Variants in RBBP8 observed in about 807,000 individuals in gnomAD.
The protein encoded by RBBP8 is DNA endonuclease RBBP8.
RBBP8 carries 88 observed loss-of-function variants against 108.3 expected under a neutral mutation model. The ratio of observed to expected loss-of-function variants is 0.81; its 90% CI spans 0.68 to 0.97. The LOEUF is 0.97. Ranked by LOEUF, RBBP8 falls within the 50% of genes least tolerant of loss-of-function variation. The pLI, the probability that RBBP8 is intolerant of heterozygous loss-of-function variation, is 0.00. For synonymous variants in RBBP8, 332 were observed against 348.2 expected (o/e 0.95, Z 0.52); for missense variants, 1,023 against 1,049.0 (o/e 0.98, Z 0.34).
chr18:22,961,331 A>G (rs760266479), intron 4 of RBBP8, among the ~76,000 whole-genome samples: 25 of 152,212 alleles, frequency 1.6e-4, no homozygotes, highest in Non-Finnish European at 2.9e-4. Context: ...CAGGTAGGAA[A>G]GCTAAGCATG....
At chr18:22,934,150 A>C (rs1488606479) in intron 1 of RBBP8, 1 of 152,248 alleles carries the variant, frequency 6.6e-6, no homozygotes, top group Non-Finnish European at 1.5e-5. Context: ...CCCAGAATGC[A>C]ACTTGGGAGG....
chr18:22,940,994 T>A (rs1033397180), intron 2 of RBBP8, among the ~76,000 whole-genome samples: 1 of 151,992 alleles, frequency 6.6e-6, no homozygotes, highest in African/African-American at 2.4e-5. Flanking sequence ...ATTGTACAAG[T>A]TTTTTGTCTC....
At chr18:22,969,437 T>C (rs1402398396) in intron 5 of RBBP8, among the ~76,000 whole-genome samples, 1 of 152,142 alleles carries the variant, frequency 6.6e-6, no homozygotes, top group Non-Finnish European at 1.5e-5. Flanking sequence ...TATTCTCTTA[T>C]AACTATTTAT....
At chr18:23,007,964 C>G (rs12458325) in intron 16 of RBBP8, among the ~76,000 whole-genome samples, 159 of 151,922 alleles carry the variant, frequency 1.0e-3, no homozygotes, top group Non-Finnish European at 1.9e-3. Flanking sequence ...AGGTGCCCAC[C>G]ACAACACCTG....
At position 22,993,140 on chromosome 18, in the gene RBBP8, AATC is replaced by A. The variant is rs772263225; in HGVS notation, c.1316_1318del (p.Ser439del). On this transcript the variant is annotated inframe_deletion, in exon 11 of 19. Transcript: ENST00000327155. ...ACTGATAAACATTTGGAGCCCCTGAAATCATTGGGAGGCCGAACATCCAAAAGG... is the reference window on the plus strand; with the variant it reads ...ACTGATAAACATTTGGAGCCCCTGAAATTGGGAGGCCGAACATCCAAAAGG... The A allele has an allele frequency of 2.5e-5, 40 of 1,614,142 alleles. No individual in the cohort carries two copies. In the African/African-American group the frequency reaches 4.8e-4, roughly 19 times the overall value.
intron 1 of RBBP8, 147 bp from the exon 2 acceptor site, chr18:22,936,607 T>C (rs931546351): frequency 4.1e-6 from 2 of 485,922 alleles, no homozygotes; most frequent in African/African-American, 3.9e-5. Context: ...CCTTATTCTT[T>C]CCTTCCCCTC....
intron 3 of RBBP8, among the ~76,000 whole-genome samples, chr18:22,947,566 A>G (rs1019404530): frequency 2.0e-5 from 3 of 152,104 alleles, no homozygotes; most frequent in African/African-American, 7.2e-5. Context: ...GAAGGCCACC[A>G]ATTAGGAAAA....
chr18:22,979,181 A>G (rs1914712741), intron 6 of RBBP8, among the ~76,000 whole-genome samples: 1 of 152,192 alleles, frequency 6.6e-6, no homozygotes, highest in African/African-American at 2.4e-5. Flanking sequence ...AGACACAAGA[A>G]TCACTTGAAC....
chr18:22,969,059 CTT>C, intron 5 of RBBP8, 141 bp downstream of exon 5: 1 of 660,898 alleles, frequency 1.5e-6, no homozygotes, highest in Non-Finnish European at 2.6e-6. Flanking sequence ...CTTTTTTGTA[CTT>C]TTTGTAGATT....
rs893378549 is a variant in RBBP8, at chr18:22,985,403, GCCTCAC to G, written c.709+414_709+419del. Among the ~76,000 whole-genome samples, 376 of 152,256 alleles carry G rather than the reference GCCTCAC, an allele frequency of 2.5e-3. 1 individual carries two copies. Among genetic ancestry groups the G allele is most frequent in the African/African-American group, 8.6e-3 (358 of 41,544 alleles). On this transcript the variant is annotated intron_variant, in intron 8 of 18. Coordinates refer to ENST00000327155, the MANE Select transcript of RBBP8 (RefSeq NM_002894.3). ...GCAGGGTAAGAAGGGATATTAGAAAGCCTCACTTGTAAAGTGATGTTTGCATAGGGA... is the reference window on the plus strand; with the variant it reads ...GCAGGGTAAGAAGGGATATTAGAAAGTTGTAAAGTGATGTTTGCATAGGGA...
At position 23,022,010 on chromosome 18, in the gene RBBP8, T is replaced by G. The variant is rs2046353047; in HGVS notation, c.2455-119T>G. 1.5e-5 allele frequency: 12 copies of G among 806,590 alleles called. No homozygotes were observed. The South Asian group carries it at 1.8e-4, about 12-fold the overall frequency. The allele number at this position is 806,590 out of a possible 1,614,324, so 50.0% of individuals were successfully genotyped here. A position where few individuals can be genotyped will look rare whatever the true frequency, so the allele number is the denominator to read the frequency against. ...ATAGTATCATCAATGAGGATTAAGT[T>G]TCCTTAGACTGCTGAATATCTTAGT... is the stretch of plus-strand genomic sequence containing the variant. On this transcript the variant is annotated intron_variant, in intron 17 of 18. Transcript: ENST00000327155.
chr18:22,988,567 G>T (rs1226885010), intron 8 of RBBP8, among the ~76,000 whole-genome samples: 1 of 152,112 alleles, frequency 6.6e-6, no homozygotes, highest in Non-Finnish European at 1.5e-5. Flanking sequence ...AAGAGATTTA[G>T]GAGTCCTTAT....
chr18:22,948,189 T>C (rs1282430363), intron 3 of RBBP8, among the ~76,000 whole-genome samples: 1 of 152,108 alleles, frequency 6.6e-6, no homozygotes, highest in African/African-American at 2.4e-5. Context: ...TTTACTGTAT[T>C]TTATGATACA....
Position 22,993,279 on chromosome 18 carries a change from CTGTG to C in RBBP8, c.1455_1458del (p.Cys485Ter). 6.2e-7 allele frequency: 1 copy of C among 1,614,190 alleles called. No individual in the cohort carries two copies. Among genetic ancestry groups the C allele is most frequent in the Non-Finnish European group, 8.5e-7 (1 of 1,180,012 alleles). On this transcript the variant is annotated frameshift_variant, in exon 11 of 19. Coordinates refer to ENST00000327155, the MANE Select transcript of RBBP8 (RefSeq NM_002894.3). LOFTEE classifies it high-confidence loss of function. Reference sequence around the variant, plus strand: ...ATAATCAGTTTTCCATGAATGGAGACTGTGTGATGGATAAACCTCTGGATCTGTC... The same window carrying C: ...ATAATCAGTTTTCCATGAATGGAGACTGATGGATAAACCTCTGGATCTGTC...
intron 2 of RBBP8, 135 bp from the exon 3 acceptor site, chr18:22,946,309 C>A: frequency 8.6e-7 from 1 of 1,168,722 alleles, no homozygotes; most frequent in Non-Finnish European, 1.2e-6. Context: ...GCAGAGTACA[C>A]GTAAGGGGCA....
At chr18:22,916,415 T>C (rs1424007470) in intron 2 of RBBP8, among the ~76,000 whole-genome samples, 1 of 152,096 alleles carries the variant, frequency 6.6e-6, no homozygotes, top group Non-Finnish European at 1.5e-5. Context: ...GCTAAGTCAC[T>C]ATTATATAAT....
At chr18:22,953,224 A>G (rs1403110740) in intron 4 of RBBP8, among the ~76,000 whole-genome samples, 2 of 152,212 alleles carry the variant, frequency 1.3e-5, no homozygotes, top group African/African-American at 4.8e-5. Flanking sequence ...CCTCATTTAT[A>G]GCAGGATCTG....
In RBBP8 at chr18:22,996,387, A is replaced by G. The variant is rs770921283; in HGVS notation, c.1953A>G (p.Glu651=). ...CCTTTACCTAAGATGTATCCTTTGA[A>G]AATATCCAGTGGAGTATAGATCCGG... The part of the protein sequence containing the change: ...SLQNNQDVSF[E]NIQWSIDPGA... The change falls in exon 13 of 19, where the codon GAA becomes GAG. Residue 651 remains glutamate (E), a synonymous_variant. Coordinates refer to ENST00000327155, the MANE Select transcript of RBBP8 (RefSeq NM_002894.3). The G allele has an allele frequency of 6.2e-7, 1 of 1,613,656 alleles. No individual in the cohort carries two copies. The highest frequency in any genetic ancestry group is 8.5e-7 in the Non-Finnish European group (1 of 1,179,864).
At chr18:22,914,715 T>C (rs11876305) in intron 1 of RBBP8, among the ~76,000 whole-genome samples, 2,444 of 152,268 alleles carry the variant, frequency 0.016, 69 homozygotes, top group African/African-American at 0.056. Flanking sequence ...ATTGCCCTTT[T>C]AAGGCCAAAA....
Sources: gnomAD v4.1 joint callset for allele counts (sites outside exome capture counted in the v4.1 genomes callset) on GRCh38, gnomAD v4.1.1 for gene constraint, MANE v1.5 for transcripts, NCBI Gene and HGNC (gene_info 2026-07-23, HGNC 2026-07-21) for gene names.